CRTAC1: variants seen among roughly 807,000 people sequenced by gnomAD.
CRTAC1 encodes the protein cartilage acidic protein 1, also known as acidic secreted protein in cartilage.
In CRTAC1, 37 loss-of-function variants were observed where a neutral mutation model predicts 67.8. That is an observed-to-expected ratio of 0.55 (90% CI 0.42 to 0.72). The LOEUF (loss-of-function observed/expected upper bound fraction) is 0.72. Among genes scored for constraint, CRTAC1 ranks in the 30% least tolerant of loss-of-function variants. The pLI, the probability that CRTAC1 is intolerant of heterozygous loss-of-function variation, is 0.00. For missense variants in CRTAC1, 780 were observed against 931.6 expected, an observed-to-expected ratio of 0.84 and a Z score of 2.12; for synonymous variants, 348 against 371.0, an observed-to-expected ratio of 0.94 and a Z score of 0.71.
intron 11 of CRTAC1, among the ~76,000 whole-genome samples, chr10:97,891,614 C>A (rs570526930): frequency 6.6e-6 from 1 of 152,390 alleles, no homozygotes; most frequent in South Asian, 2.1e-4. Flanking sequence ...GGCATTTCTT[C>A]TCTGCCTCTT....
Position 97,936,190 on chromosome 10 carries a change from T to C in CRTAC1, c.401A>G (p.Asn134Ser), listed in dbSNP as rs773929079. The C allele has an allele frequency of 8.7e-6, 14 of 1,612,036 alleles. No individual in the cohort carries two copies. Among genetic ancestry groups the C allele is most frequent in the Non-Finnish European group, 1.1e-5 (13 of 1,178,786 alleles). ...GDGREEIYFLNTNNAFSGVAT... is the reference protein window; with the variant it reads ...GDGREEIYFLSTNNAFSGVAT... ...CTTACCCGAGAAGGCATTATTGGTG[T>C]TGAGGAAGTAGATCTCCTCCCGGCC... Residue 134 changes from asparagine (N) to serine (S), a missense_variant, in exon 3 of 15, where the codon AAC (asparagine) becomes AGC (serine). Physicochemically the swap from Asn to Ser is conservative, Grantham distance 46. Coordinates refer to ENST00000370597, the MANE Select transcript of CRTAC1 (RefSeq NM_018058.7).
At chr10:98,011,056 A>G (rs1380804049) in intron 2 of CRTAC1, 82 bp downstream of exon 2, 3 of 1,188,122 alleles carry the variant, frequency 2.5e-6, no homozygotes, top group African/African-American at 3.0e-5. Context: ...GTTGCAAGTC[A>G]CTGGGGTTTG....
At chr10:97,878,802 C>A in intron 14 of CRTAC1, 1 of 965,104 alleles carries the variant, frequency 1.0e-6, no homozygotes, top group Non-Finnish European at 1.4e-6. Context: ...TTGTCATCTA[C>A]ATTAGGGAAA....
At chr10:97,897,086 G>C (rs1414320988) in intron 8 of CRTAC1, 95 bp from the exon 9 acceptor site, 3 of 880,684 alleles carry the variant, frequency 3.4e-6, no homozygotes, top group Non-Finnish European at 3.5e-6. Context: ...AGCATCCCCG[G>C]GTCCCAATGT....
At chr10:97,970,992 T>C (rs1220050159) in intron 2 of CRTAC1, among the ~76,000 whole-genome samples, 1 of 152,216 alleles carries the variant, frequency 6.6e-6, no homozygotes, top group African/African-American at 2.4e-5. Context: ...CTTTTAAAGT[T>C]TACCTTCATT....
chr10:98,008,318 C>A (rs1489716786), intron 2 of CRTAC1, among the ~76,000 whole-genome samples: 1 of 150,886 alleles, frequency 6.6e-6, no homozygotes, highest in Non-Finnish European at 1.5e-5. Context: ...ATGAAGTATG[C>A]TGTAAGAGGC....
At chr10:97,880,212 C>G in intron 14 of CRTAC1, 37 bp downstream of exon 14, 2 of 1,607,078 alleles carry the variant, frequency 1.2e-6, no homozygotes, top group Non-Finnish European at 1.7e-6. Context: ...AAAGCAACAT[C>G]CTTTTGCTAC....
chr10:97,933,588 G>T (rs943799493), intron 3 of CRTAC1, among the ~76,000 whole-genome samples: 1 of 152,270 alleles, frequency 6.6e-6, no homozygotes, highest in African/African-American at 2.4e-5. Flanking sequence ...TTAGAGTCCA[G>T]GCAGAGGATT....
At chr10:97,963,130 C>T (rs1027213600) in intron 2 of CRTAC1, among the ~76,000 whole-genome samples, 4 of 152,026 alleles carry the variant, frequency 2.6e-5, no homozygotes, top group African/African-American at 9.7e-5. Flanking sequence ...AGCAGCCTGG[C>T]CCCAGTGTCC....
At chr10:97,979,183 T>C (rs1246422496) in intron 2 of CRTAC1, among the ~76,000 whole-genome samples, 3 of 152,170 alleles carry the variant, frequency 2.0e-5, no homozygotes, top group East Asian at 1.9e-4. Context: ...CTCATACTTA[T>C]GCTTATGTGG....
chr10:97,914,222 G>T (rs1564891584), intron 5 of CRTAC1, among the ~76,000 whole-genome samples: 1 of 152,136 alleles, frequency 6.6e-6, no homozygotes, highest in Non-Finnish European at 1.5e-5. Context: ...CTGGAGGTTT[G>T]GGGGGACACA....
rs1178212855 is a variant in CRTAC1, at chr10:97,879,659, T to G, written c.1819+590A>C. The G allele has an allele frequency of 6.5e-6, 10 of 1,531,236 alleles. No homozygotes were observed. In the South Asian group the frequency reaches 1.2e-4, roughly 19 times the overall value. 94.9% of individuals were successfully genotyped at this position (1,531,236 alleles called of 1,614,324 possible). On this transcript the variant is annotated intron_variant, in intron 14 of 14. Transcript: ENST00000370597. The stretch of plus-strand genomic sequence containing the variant: ...TCCACAAAGGCTGTTAGTTTTGTTT[T>G]GTTTTTTCCTTTATTGATGGGATTT...
intron 8 of CRTAC1, among the ~76,000 whole-genome samples, chr10:97,900,038 C>A (rs951128641): frequency 2.0e-5 from 3 of 152,158 alleles, no homozygotes; most frequent in Non-Finnish European, 4.4e-5. Flanking sequence ...GATTCCTGGG[C>A]CTCACCCCCT....
chr10:98,021,951 G>A, intron 1 of CRTAC1, among the ~76,000 whole-genome samples: 1 of 152,198 alleles, frequency 6.6e-6, no homozygotes, highest in East Asian at 1.9e-4. Flanking sequence ...TTGAGAAGAT[G>A]CCTATGGGCC....
At chr10:97,919,283 G>A (rs2050803182) in intron 4 of CRTAC1, among the ~76,000 whole-genome samples, 1 of 152,146 alleles carries the variant, frequency 6.6e-6, no homozygotes, top group African/African-American at 2.4e-5. Flanking sequence ...ACACAGAAGA[G>A]GAGCTCCTCA....
chr10:97,907,338 C>T (rs951334388), intron 6 of CRTAC1, among the ~76,000 whole-genome samples: 9 of 150,774 alleles, frequency 6.0e-5, no homozygotes, highest in Admixed American at 2.0e-4. Context: ...GAAGGCTAAA[C>T]GACGTTCTGC....
At chr10:98,028,775 G>C (rs1002363323) in intron 1 of CRTAC1, among the ~76,000 whole-genome samples, 1 of 152,140 alleles carries the variant, frequency 6.6e-6, no homozygotes, top group African/African-American at 2.4e-5. Flanking sequence ...CTGGGGGTTG[G>C]GATATAGATT....
intron 14 of CRTAC1, chr10:97,869,228 G>C (rs1224249023): frequency 1.3e-5 from 2 of 152,344 alleles, no homozygotes; most frequent in Non-Finnish European, 2.9e-5. Context: ...CATCACGGGA[G>C]GGTGCATGGG....
intron 2 of CRTAC1, among the ~76,000 whole-genome samples, chr10:97,964,701 G>C (rs1340806777): frequency 2.6e-5 from 4 of 152,204 alleles, no homozygotes; most frequent in African/African-American, 7.2e-5. Context: ...TTATTAGGCC[G>C]TATAAAGGGC....
Sources: allele counts gnomAD v4.1 joint callset (sites outside exome capture counted in the v4.1 genomes callset), GRCh38; gene constraint gnomAD v4.1.1; transcripts MANE v1.5; gene names NCBI Gene and HGNC (gene_info 2026-07-23, HGNC 2026-07-21).